Variants in GCC2 observed in about 807,000 individuals in gnomAD.
GCC2 encodes the protein GRIP and coiled-coil domain containing 2.
GCC2 carries 120 observed loss-of-function variants against 210.6 expected under a neutral mutation model. That is an observed-to-expected ratio of 0.57 (90% confidence interval 0.49 to 0.66). The LOEUF is 0.66. Ranked by LOEUF, GCC2 falls within the 30% of genes least tolerant of loss-of-function variation. GCC2 has a pLI of 0.00. For synonymous variants in GCC2, 703 were observed against 652.7 expected (o/e 1.08, Z -1.17); for missense variants, 1,868 against 1,871.9 (o/e 1.00, Z 0.04).
At chr2:108,481,412 A>G (rs1354649512) in intron 9 of GCC2, among the ~76,000 whole-genome samples, 1 of 152,152 alleles carries the variant, frequency 6.6e-6, no homozygotes, top group Non-Finnish European at 1.5e-5. Context: ...TACACTTCAG[A>G]AGTTCATTTT....
chr2:108,484,318 TAAAG>T lies in GCC2; in HGVS notation c.3613+11_3613+14del. 3 of 1,427,854 alleles carry T rather than the reference TAAAG, an allele frequency of 2.1e-6. No individual in the cohort carries two copies. Among genetic ancestry groups the T allele is most frequent in the Non-Finnish European group, 2.9e-6 (3 of 1,051,188 alleles). The allele number at this position is 1,427,854 out of a possible 1,614,324, so 88.4% of individuals were successfully genotyped here. A position where few individuals can be genotyped will look rare whatever the true frequency, so the allele number is the denominator to read the frequency against. On this transcript the variant is annotated splice_region_variant and intron_variant, in intron 13 of 22. Transcript: ENST00000309863. ...ACCCTACAAGAAGAAATAAGTGAGT[TAAAG>T]AAAATTCACTTTACTTTTTAATTAT...
chr2:108,497,059 C>T lies in GCC2; in HGVS notation c.4732C>T (p.Leu1578=), dbSNP rs143736607. The stretch of plus-strand genomic sequence containing the variant: ...AAAAAGTGCAGATCACTTAAACGGC[C>T]TGCTTCGGGAAACAGAAGCAACCAA... ...TTKSADHLNG[L]LRETEATNAI... Residue 1578 remains leucine, a synonymous_variant, in exon 21 of 23, where the codon CTG becomes TTG. Transcript: ENST00000309863. 4.3e-6 allele frequency: 7 copies of T among 1,611,896 alleles called. No individual in the cohort carries two copies. In the African/African-American group the frequency reaches 5.3e-5, roughly 12 times the overall value.
chr2:108,484,157 A>G lies in GCC2; in HGVS notation c.3459A>G (p.Gln1153=). The G allele has an allele frequency of 1.3e-6, 2 of 1,578,996 alleles. No individual in the cohort carries two copies. Among genetic ancestry groups the G allele is most frequent in the African/African-American group, 1.4e-5 (1 of 72,714 alleles). ...ACTTATAAAATGTGCAGGATGCCCA[A>G]CAAACCACATTGATGAATATGGAAA... ...QELELVKKDA[Q]QTTLMNMEIA... Residue 1153 remains glutamine, a synonymous_variant, in exon 13 of 23, where the codon CAA becomes CAG. Transcript: ENST00000309863.
rs765826004 is a variant in GCC2 at position 108,470,396 on chromosome 2, C to T, written c.1067C>T (p.Thr356Ile). 29 of 1,607,156 alleles carry T rather than the reference C, an allele frequency of 1.8e-5. No individual in the cohort carries two copies. The East Asian group carries it at 6.0e-4, about 33-fold the overall frequency. ...SQHSILKDEVTYMNNLKLKLE... is the reference protein window; with the variant it reads ...SQHSILKDEVIYMNNLKLKLE... ...CACAGTATCTTAAAAGATGAGGTAA[C>T]TTATATGAATAATCTTAAGTTAAAA... The change falls in exon 6 of 23, where the codon ACT becomes ATT. Residue 356 changes from threonine to isoleucine, a missense_variant. Transcript: ENST00000309863.
At chr2:108,461,836 CTT>C (rs1200531303) in intron 4 of GCC2, among the ~76,000 whole-genome samples, 6 of 121,130 alleles carry the variant, frequency 5.0e-5, no homozygotes, top group East Asian at 2.6e-4. Flanking sequence ...TTTTCTTTTT[CTT>C]TTTTTTTTTT....
chr2:108,505,306 C>G (rs1683129368), intron 22 of GCC2, among the ~76,000 whole-genome samples: 1 of 152,180 alleles, frequency 6.6e-6, no homozygotes, highest in Non-Finnish European at 1.5e-5. Flanking sequence ...AATACATAAC[C>G]AGTGCCAAGT....
In GCC2 at chr2:108,471,401, A is replaced by G; in HGVS notation, c.2072A>G (p.Tyr691Cys). 1 of 1,606,970 alleles carries G rather than the reference A, an allele frequency of 6.2e-7. No individual in the cohort carries two copies. Among genetic ancestry groups the G allele is most frequent in the Non-Finnish European group, 8.5e-7 (1 of 1,178,130 alleles). Residue 691 changes from tyrosine (Y) to cysteine (C), a missense_variant, in exon 6 of 23, where the codon TAT (tyrosine) becomes TGT (cysteine). By Grantham distance (194) the Tyr-to-Cys change is radical. Coordinates refer to ENST00000309863, the MANE Select transcript of GCC2 (RefSeq NM_181453.4). ...TTGTCAGCTGAAGTGAAGTCTCTTT[A>G]TGAGGAAAACAATAAACTCAGTTCA... Reference protein sequence around the residue: ...EVLSAEVKSLYEENNKLSSEK... With the variant: ...EVLSAEVKSLCEENNKLSSEK...
intron 18 of GCC2, among the ~76,000 whole-genome samples, chr2:108,491,130 T>A (rs1014371200): frequency 6.6e-6 from 1 of 152,200 alleles, no homozygotes; most frequent in East Asian, 1.9e-4. Context: ...TCCAGAGGAA[T>A]GTGATAATTA....
intron 22 of GCC2, among the ~76,000 whole-genome samples, chr2:108,501,000 GT>G (rs1220304187): frequency 6.6e-6 from 1 of 152,068 alleles, no homozygotes; most frequent in Non-Finnish European, 1.5e-5. Flanking sequence ...TTGTTGTCGT[GT>G]TTTTGTTTGT....
chr2:108,478,410 G>A (rs971381998), intron 9 of GCC2, among the ~76,000 whole-genome samples: 1 of 152,144 alleles, frequency 6.6e-6, no homozygotes, highest in Admixed American at 6.5e-5. Context: ...GGTTCTTCAG[G>A]ATGCATCATT....
chr2:108,502,923 C>CA (rs34464118), intron 22 of GCC2, among the ~76,000 whole-genome samples: 172 of 116,140 alleles, frequency 1.5e-3, no homozygotes, highest in African/African-American at 2.3e-3. Flanking sequence ...AACCCTGTCT[C>CA]AAAAAAAAAA....
At chr2:108,478,163 A>G (rs991440025) in intron 9 of GCC2, among the ~76,000 whole-genome samples, 1 of 152,242 alleles carries the variant, frequency 6.6e-6, no homozygotes, top group Non-Finnish European at 1.5e-5. Flanking sequence ...GCTCTTATGA[A>G]GAAGCCCATA....
chr2:108,463,858 C>G (rs1026981070), intron 4 of GCC2, among the ~76,000 whole-genome samples: 4 of 152,168 alleles, frequency 2.6e-5, no homozygotes, highest in African/African-American at 9.7e-5. Context: ...GGCCAGTCTC[C>G]ATATCCACAG....
chr2:108,449,610 C>T (rs1355953550), intron 1 of GCC2, 23 bp from the exon 2 acceptor site: 1 of 1,610,092 alleles, frequency 6.2e-7, no homozygotes, highest in Admixed American at 1.7e-5. Context: ...CTTCTGACAC[C>T]TGGGTTTGAT....
intron 22 of GCC2, among the ~76,000 whole-genome samples, chr2:108,500,153 C>G (rs2033745): frequency 1.7e-3 from 167 of 98,380 alleles, no homozygotes; most frequent in Non-Finnish European, 2.5e-3. Flanking sequence ...TAAGACAATG[C>G]AGTCATATAT....
At chr2:108,455,907 A>ATT (rs2104411852) in intron 4 of GCC2, among the ~76,000 whole-genome samples, 1 of 152,216 alleles carries the variant, frequency 6.6e-6, no homozygotes, top group East Asian at 1.9e-4. Flanking sequence ...TGTTATATTG[A>ATT]TTTGTTTTCA....
intron 13 of GCC2, 100 bp downstream of exon 13, chr2:108,484,411 C>A: frequency 1.5e-6 from 1 of 661,006 alleles, no homozygotes; most frequent in Non-Finnish European, 2.5e-6. Context: ...CTTTCACTGT[C>A]AGTCAGGTGT....
intron 13 of GCC2, among the ~76,000 whole-genome samples, chr2:108,485,410 G>T (rs564795104): frequency 6.6e-6 from 1 of 152,190 alleles, no homozygotes; most frequent in East Asian, 1.9e-4. Flanking sequence ...TCCTGGTCTG[G>T]GTTAACTAAG....
In GCC2 at chr2:108,449,614, G is replaced by C. The variant is rs1027613747; in HGVS notation, c.7-19G>C. 2.5e-6 allele frequency: 4 copies of C among 1,611,518 alleles called. No individual in the cohort carries two copies. The African/African-American group carries it at 5.3e-5, about 22-fold the overall frequency. On this transcript the variant is annotated intron_variant, in intron 1 of 22. Transcript: ENST00000309863. ...GGAAAAGAGTTCTTCTGACACCTGG[G>C]TTTGATTTTGTTTTGCAGGATCTTG...
Sources: allele counts gnomAD v4.1 joint callset (sites outside exome capture counted in the v4.1 genomes callset), GRCh38; gene constraint gnomAD v4.1.1; transcripts MANE v1.5; gene names NCBI Gene and HGNC (gene_info 2026-07-23, HGNC 2026-07-21).